Variants in RGS6 observed in about 807,000 individuals in gnomAD.
RGS6 encodes regulator of G protein signaling 6, also known as regulator of G-protein signaling 6.
RGS6 carries 30 observed loss-of-function variants against 78.5 expected under a neutral mutation model. The observed-to-expected ratio is 0.38, with a 90% CI of 0.29 to 0.52. The LOEUF is 0.52. RGS6 is among the 20% of genes least tolerant of loss of function. The pLI, the probability that RGS6 is intolerant of heterozygous loss-of-function variation, is 0.85. For missense variants in RGS6, 495 were observed against 609.7 expected, an observed-to-expected ratio of 0.81 and a Z score of 1.98; for synonymous variants, 206 against 206.0, an observed-to-expected ratio of 1.00 and a Z score of 0.00.
At chr14:72,087,641 A>T (rs1003095469) in intron 2 of RGS6, among the ~76,000 whole-genome samples, 1 of 150,118 alleles carries the variant, frequency 6.7e-6, no homozygotes, top group Non-Finnish European at 1.5e-5. Context: ...TTTTTTTTTT[A>T]AGGAAGAAAA....
chr14:71,960,639 C>T (rs770807451), intron 1 of RGS6, among the ~76,000 whole-genome samples: 6 of 152,236 alleles, frequency 3.9e-5, no homozygotes, highest in Non-Finnish European at 7.3e-5. Flanking sequence ...AAACAAAGTC[C>T]CGCAGATTCA....
chr14:72,015,377 A>G (rs528355943), intron 2 of RGS6, among the ~76,000 whole-genome samples: 11 of 152,356 alleles, frequency 7.2e-5, no homozygotes, highest in Non-Finnish European at 1.5e-4. Context: ...ATCAGTTCCA[A>G]CCTCCAACAT....
chr14:72,464,970 A>G (rs1463846893), intron 6 of RGS6, among the ~76,000 whole-genome samples: 1 of 152,228 alleles, frequency 6.6e-6, no homozygotes, highest in Non-Finnish European at 1.5e-5. Context: ...TTTCAGTGCA[A>G]TGGAATTTAG....
At chr14:72,041,883 T>C (rs1373704103) in intron 2 of RGS6, among the ~76,000 whole-genome samples, 1 of 152,102 alleles carries the variant, frequency 6.6e-6, no homozygotes, top group Non-Finnish European at 1.5e-5. Context: ...TACTTATCAG[T>C]GTATGAGAGT....
chr14:71,893,276 G>T, the RGS6 span, among the ~76,000 whole-genome samples: 8,303 of 152,254 alleles, frequency 0.055, 342 homozygotes, highest in Non-Finnish European at 0.084. Context: ...TGAAATGAGG[G>T]TCTTTAAATG....
At chr14:72,043,088 AT>A (rs141701914) in intron 2 of RGS6, among the ~76,000 whole-genome samples, 5,367 of 151,816 alleles carry the variant, frequency 0.035, 103 homozygotes, top group African/African-American at 0.049. Context: ...CCTTTTCTTT[AT>A]TGTGATATTG....
chr14:71,899,158 C>T, the RGS6 span, among the ~76,000 whole-genome samples: 4 of 152,076 alleles, frequency 2.6e-5, no homozygotes, highest in Non-Finnish European at 4.4e-5. Context: ...ATTTAAAAAC[C>T]ACACAGGTTG....
chr14:72,227,967 T>C (rs1403898617), intron 2 of RGS6, among the ~76,000 whole-genome samples: 1 of 152,144 alleles, frequency 6.6e-6, no homozygotes, highest in African/African-American at 2.4e-5. Flanking sequence ...TGTATGAGGG[T>C]ACCAGGAGAT....
chr14:72,011,427 G>A (rs1054985610), intron 2 of RGS6, among the ~76,000 whole-genome samples: 1 of 152,084 alleles, frequency 6.6e-6, no homozygotes, highest in Non-Finnish European at 1.5e-5. Flanking sequence ...CTCCTTACCT[G>A]CTCTTGCTTT....
At chr14:72,552,305 T>A (rs1477466399) in intron 17 of RGS6, among the ~76,000 whole-genome samples, 1 of 152,186 alleles carries the variant, frequency 6.6e-6, no homozygotes, top group Non-Finnish European at 1.5e-5. Flanking sequence ...CAGGCCAGCT[T>A]CTGTTCTATG....
intron 2 of RGS6, among the ~76,000 whole-genome samples, chr14:72,164,754 T>C (rs1424221122): frequency 3.3e-5 from 5 of 152,156 alleles, no homozygotes; most frequent in Admixed American, 3.3e-4. Context: ...TTGAGCTGAA[T>C]GGTGATAACG....
At chr14:72,264,101 T>G (rs1243527115) in intron 2 of RGS6, among the ~76,000 whole-genome samples, 1 of 152,192 alleles carries the variant, frequency 6.6e-6, no homozygotes, top group African/African-American at 2.4e-5. Context: ...ATAGTAGCCT[T>G]ATATCAGTTC....
At chr14:72,201,837 G>A (rs2041652203) in intron 2 of RGS6, among the ~76,000 whole-genome samples, 1 of 152,160 alleles carries the variant, frequency 6.6e-6, no homozygotes, top group African/African-American at 2.4e-5. Flanking sequence ...AAGCTACAAG[G>A]CAGAGGTGAG....
chr14:72,062,534 T>C (rs965267927), intron 2 of RGS6, among the ~76,000 whole-genome samples: 24 of 152,352 alleles, frequency 1.6e-4, no homozygotes, highest in Non-Finnish European at 2.2e-4. Flanking sequence ...TTGGACACAG[T>C]TGGCAAGTGT....
intron 2 of RGS6, among the ~76,000 whole-genome samples, chr14:72,265,594 C>T (rs558311227): frequency 4.6e-5 from 7 of 152,298 alleles, no homozygotes; most frequent in African/African-American, 1.7e-4. Flanking sequence ...CTACCATCAC[C>T]ACCTGCCGCT....
chr14:72,206,091 A>G (rs997342645), intron 2 of RGS6, among the ~76,000 whole-genome samples: 7 of 152,120 alleles, frequency 4.6e-5, no homozygotes, highest in African/African-American at 1.7e-4. Context: ...AACGTTGGAA[A>G]CAACTTAAAT....
chr14:72,562,142 T>C (rs1312859266), intron 17 of RGS6, among the ~76,000 whole-genome samples: 1 of 152,162 alleles, frequency 6.6e-6, no homozygotes, highest in Non-Finnish European at 1.5e-5. Flanking sequence ...TTTTGGTAAG[T>C]AAAATTCCCA....
intron 2 of RGS6, among the ~76,000 whole-genome samples, chr14:72,330,705 C>T (rs1177796906): frequency 1.3e-5 from 2 of 152,156 alleles, no homozygotes; most frequent in East Asian, 3.9e-4. Flanking sequence ...ATATTGCATG[C>T]TTGTCAGAAT....
intron 2 of RGS6, among the ~76,000 whole-genome samples, chr14:72,078,233 C>T (rs2094663829): frequency 6.6e-6 from 1 of 152,124 alleles, no homozygotes; most frequent in Admixed American, 6.5e-5. Context: ...TGCTCTTGCA[C>T]CGGCCATGTA....
Sources: allele counts gnomAD v4.1 joint callset (sites outside exome capture counted in the v4.1 genomes callset), GRCh38; gene constraint gnomAD v4.1.1; transcripts MANE v1.5; gene names NCBI Gene and HGNC (gene_info 2026-07-23, HGNC 2026-07-21).